The following ABTB2 variants were observed in gnomAD, a reference collection of about 807,000 sequenced individuals.
ABTB2 encodes ankyrin repeat and BTB domain containing 2.
A neutral mutation model predicts 104.1 loss-of-function variants in ABTB2; 56 were observed. That is an observed-to-expected ratio of 0.54 (90% CI 0.43 to 0.67). The LOEUF (loss-of-function observed/expected upper bound fraction) is 0.67, where lower values mean the gene tolerates loss of function less well. ABTB2 is among the 30% of genes least tolerant of loss of function. The pLI, the probability that ABTB2 is intolerant of heterozygous loss-of-function variation, is 0.00. For missense variants in ABTB2, 1,279 were observed against 1,407.7 expected (o/e 0.91, Z 1.46); for synonymous variants, 606 against 608.2 (o/e 1.00, Z 0.05).
chr11:34,218,834 G>T lies in ABTB2; in HGVS notation c.884-14144C>A, dbSNP rs185597559. Among the ~76,000 whole-genome samples, 556 of 95,610 alleles carry T rather than the reference G, an allele frequency of 5.8e-3. 3 individuals are homozygous for T. Among genetic ancestry groups the T allele is most frequent in the African/African-American group, 0.022 (537 of 24,058 alleles). 62.7% of individuals were successfully genotyped at this position (95,610 alleles called of 152,430 possible). A position where few individuals can be genotyped will look rare whatever the true frequency, so the allele number is the denominator to read the frequency against. ...GCATTCCAGCCTGGGCAACAAGAGC[G>T]AAACTCCATCTCAAAAAAAAAAAAA... On this transcript the variant is annotated intron_variant, in intron 1 of 16. Coordinates refer to ENST00000435224, the MANE Select transcript of ABTB2 (RefSeq NM_145804.3).
chr11:34,335,016 TAGAA>T, intron 1 of ABTB2: 1 of 571,240 alleles, frequency 1.8e-6, no homozygotes, highest in Non-Finnish European at 3.2e-6. Context: ...CTGAAATAAA[TAGAA>T]ATAAGTATAT....
intron 1 of ABTB2, among the ~76,000 whole-genome samples, chr11:34,319,690 A>G (rs1201376705): frequency 2.0e-5 from 3 of 152,142 alleles, no homozygotes; most frequent in Non-Finnish European, 4.4e-5. Context: ...TTTATTTTAT[A>G]TGAAGTCTCA....
At chr11:34,343,092 C>A (rs1275389167) in intron 1 of ABTB2, among the ~76,000 whole-genome samples, 1 of 152,166 alleles carries the variant, frequency 6.6e-6, no homozygotes, top group Non-Finnish European at 1.5e-5. Flanking sequence ...GCCTCAGCCT[C>A]CCGAGTAGCT....
chr11:34,216,947 C>G (rs1853557495), intron 1 of ABTB2, among the ~76,000 whole-genome samples: 2 of 152,194 alleles, frequency 1.3e-5, no homozygotes, highest in African/African-American at 4.8e-5. Flanking sequence ...CATGGCAACA[C>G]CTAGATGTTC....
intron 3 of ABTB2, among the ~76,000 whole-genome samples, chr11:34,176,712 T>C (rs1165425942): frequency 1.3e-5 from 2 of 152,194 alleles, no homozygotes; most frequent in Non-Finnish European, 2.9e-5. Context: ...TGGATGAACA[T>C]CAGTAACTTA....
At chr11:34,323,869 T>C (rs180876536) in intron 1 of ABTB2, among the ~76,000 whole-genome samples, 37 of 150,600 alleles carry the variant, frequency 2.5e-4, no homozygotes, top group African/African-American at 8.0e-4. Context: ...AACAAATGAC[T>C]AAGCTAATGA....
chr11:34,357,660 A>G lies in ABTB2; in HGVS notation c.-77T>C. ...TGCCCTCTTTCCCAAGTGGGCAGAAACAAGCTCTAGGCCCTCCGGGCCACC... is the reference window on the plus strand; with the variant it reads ...TGCCCTCTTTCCCAAGTGGGCAGAAGCAAGCTCTAGGCCCTCCGGGCCACC... On this transcript the variant is annotated 5_prime_UTR_variant, in exon 1 of 17. Coordinates refer to ENST00000435224, the MANE Select transcript of ABTB2 (RefSeq NM_145804.3). 1 of 1,408,622 alleles carries G rather than the reference A, an allele frequency of 7.1e-7. No homozygotes were observed. Among genetic ancestry groups the G allele is most frequent in the Non-Finnish European group, 9.3e-7 (1 of 1,074,722 alleles). 87.3% of individuals were successfully genotyped at this position (1,408,622 alleles called of 1,614,324 possible).
At chr11:34,219,834 A>G (rs2611084) in intron 1 of ABTB2, among the ~76,000 whole-genome samples, 115,787 of 152,116 alleles carry the variant, frequency 0.76, 44,589 homozygotes, top group East Asian at 0.86. Context: ...CATTTCTCAG[A>G]ACCTATCCCT....
Position 34,160,975 on chromosome 11 carries a change from T to C in ABTB2, c.2325A>G (p.Arg775=). The C allele has an allele frequency of 6.2e-7, 1 of 1,613,708 alleles. No individual in the cohort carries two copies. Among genetic ancestry groups the C allele is most frequent in the Non-Finnish European group, 8.5e-7 (1 of 1,179,882 alleles). ...CCAGCTCCTCGTTGTACTCCTCCTC[T>C]CTGATGGAGCTGAAGTCCCGCAGGA... ...QSLLRDFSSI[R]EEEYNEELVT... The change falls in exon 11 of 17, where the codon AGA becomes AGG. Residue 775 remains arginine, a synonymous_variant. Coordinates refer to ENST00000435224, the MANE Select transcript of ABTB2 (RefSeq NM_145804.3).
intron 1 of ABTB2, among the ~76,000 whole-genome samples, chr11:34,355,527 T>C (rs895860207): frequency 2.0e-5 from 3 of 152,224 alleles, no homozygotes; most frequent in Non-Finnish European, 4.4e-5. Flanking sequence ...TACAAAGTGC[T>C]GAGAATAATG....
Position 34,312,150 on chromosome 11 carries a change from AAAAAAG to A in ABTB2, c.883+44545_883+44550del, listed in dbSNP as rs1213153878. On this transcript the variant is annotated intron_variant, in intron 1 of 16. Transcript: ENST00000435224. ...AGCAAGACTCCATCTCAAAAAAAAA[AAAAAAG>A]AAAAAGAAAAAGAAAAAGAGAAAGC... is the stretch of plus-strand genomic sequence containing the variant. 3.1e-3 allele frequency among the ~76,000 whole-genome samples: 468 copies of A among 151,846 alleles called. 5 individuals are homozygous for A. Among genetic ancestry groups the A allele is most frequent in the African/African-American group, 0.01 (424 of 41,314 alleles).
intron 1 of ABTB2, among the ~76,000 whole-genome samples, chr11:34,328,637 A>T (rs1432859088): frequency 6.6e-6 from 1 of 152,234 alleles, no homozygotes; most frequent in Non-Finnish European, 1.5e-5. Context: ...TTTGTTCTCC[A>T]TGATGCCTCT....
intron 3 of ABTB2, among the ~76,000 whole-genome samples, chr11:34,192,554 G>A (rs1005693103): frequency 6.6e-6 from 1 of 152,218 alleles, no homozygotes; most frequent in Non-Finnish European, 1.5e-5. Flanking sequence ...TCATGTCCTG[G>A]ATACCAGCAG....
At chr11:34,312,129 A>C (rs1854862264) in intron 1 of ABTB2, among the ~76,000 whole-genome samples, 1 of 148,982 alleles carries the variant, frequency 6.7e-6, no homozygotes, top group African/African-American at 2.5e-5. Flanking sequence ...CGACAGAGCA[A>C]GACTCCATCT....
chr11:34,216,496 A>G (rs1310617987), intron 1 of ABTB2, among the ~76,000 whole-genome samples: 1 of 152,148 alleles, frequency 6.6e-6, no homozygotes, highest in Non-Finnish European at 1.5e-5. Flanking sequence ...CACACCTGTA[A>G]TCCCAGAACT....
chr11:34,305,166 G>A (rs12273157), intron 1 of ABTB2, among the ~76,000 whole-genome samples: 1 of 152,236 alleles, frequency 6.6e-6, no homozygotes, highest in Non-Finnish European at 1.5e-5. Context: ...ATCTAGAAGA[G>A]GCTCTTGCAT....
At chr11:34,219,484 A>AG (rs1294965131) in intron 1 of ABTB2, among the ~76,000 whole-genome samples, 3 of 152,082 alleles carry the variant, frequency 2.0e-5, no homozygotes, top group Non-Finnish European at 4.4e-5. Context: ...TTGAGGCTAC[A>AG]GTGAGCCACA....
chr11:34,167,948 C>T lies in ABTB2; in HGVS notation c.1608G>A (p.Ala536=), dbSNP rs770559101. 1.5e-5 allele frequency: 24 copies of T among 1,614,248 alleles called. No homozygotes were observed. Among genetic ancestry groups the T allele is most frequent in the East Asian group, 8.9e-5 (4 of 44,884 alleles). ...CAGCATCAATCAACATCTGGACCAT[C>T]GCTTCGTCCCCAGCAGCGCAGGCGT... is the stretch of plus-strand genomic sequence containing the variant. ...LMYACAAGDE[A]MVQMLIDAGA... The change falls in exon 6 of 17, where the codon GCG becomes GCA. Residue 536 remains alanine (A), a synonymous_variant. Coordinates refer to ENST00000435224, the MANE Select transcript of ABTB2 (RefSeq NM_145804.3).
chr11:34,204,780 T>G, intron 1 of ABTB2, 90 bp from the exon 2 acceptor site: 1 of 1,385,800 alleles, frequency 7.2e-7, no homozygotes, highest in Non-Finnish European at 9.8e-7. Flanking sequence ...TCAGCCCTGC[T>G]CCCCTGCTCT....
Sources: allele counts gnomAD v4.1 joint callset (sites outside exome capture counted in the v4.1 genomes callset), GRCh38; gene constraint gnomAD v4.1.1; transcripts MANE v1.5; gene names NCBI Gene and HGNC (gene_info 2026-07-23, HGNC 2026-07-21).